The following MAP3K5 variants were observed in gnomAD, a reference collection of about 807,000 sequenced individuals.
The protein encoded by MAP3K5 is mitogen-activated protein kinase kinase kinase 5, also known as ASK-1.
MAP3K5 carries 56 observed loss-of-function variants against 158.7 expected under a neutral mutation model. That is an observed-to-expected ratio of 0.35 (90% CI 0.28 to 0.44). MAP3K5 has a LOEUF of 0.44. Ranked by LOEUF, MAP3K5 falls within the 20% of genes least tolerant of loss-of-function variation. The pLI is 1.00. For synonymous variants in MAP3K5, 579 were observed against 601.7 expected (o/e 0.96, Z 0.55); for missense variants, 1,294 against 1,674.8 (o/e 0.77, Z 3.97).
intron 1 of MAP3K5, among the ~76,000 whole-genome samples, chr6:136,788,925 G>T (rs553985666): frequency 2.6e-5 from 4 of 152,174 alleles, no homozygotes; most frequent in Non-Finnish European, 5.9e-5. Flanking sequence ...AAAATAAATT[G>T]TTCTACCAAA....
chr6:136,610,762 A>C (rs1441857637), intron 18 of MAP3K5, among the ~76,000 whole-genome samples: 1 of 152,028 alleles, frequency 6.6e-6, no homozygotes. Context: ...AAATACAGGA[A>C]GAGAAAAGGG....
At chr6:136,663,366 A>G (rs1223194991) in intron 8 of MAP3K5, among the ~76,000 whole-genome samples, 2 of 152,190 alleles carry the variant, frequency 1.3e-5, no homozygotes, top group African/African-American at 4.8e-5. Flanking sequence ...TTTCAAATTA[A>G]ATTACAGACA....
At chr6:136,749,203 T>C (rs1244701501) in intron 1 of MAP3K5, among the ~76,000 whole-genome samples, 2 of 151,924 alleles carry the variant, frequency 1.3e-5, no homozygotes, top group African/African-American at 2.4e-5. Flanking sequence ...TGAAACCCCA[T>C]CTCTACTAAA....
At chr6:136,665,133 T>C (rs901732355) in intron 8 of MAP3K5, among the ~76,000 whole-genome samples, 3 of 152,212 alleles carry the variant, frequency 2.0e-5, no homozygotes, top group Non-Finnish European at 4.4e-5. Context: ...TTTGGTATCA[T>C]GTAAAAGGGG....
At chr6:136,623,099 A>T in intron 14 of MAP3K5, 118 bp from the exon 15 acceptor site, 1 of 845,856 alleles carries the variant, frequency 1.2e-6, no homozygotes, top group Non-Finnish European at 1.9e-6. Context: ...TAACAGGCTG[A>T]AGTTCTAAGA....
At chr6:136,708,253 ATTAT>A (rs1425332515) in intron 2 of MAP3K5, among the ~76,000 whole-genome samples, 1 of 150,700 alleles carries the variant, frequency 6.6e-6, no homozygotes, top group Non-Finnish European at 1.5e-5. Flanking sequence ...CTTAGTATTA[ATTAT>A]TTTTTTTTAA....
intron 14 of MAP3K5, chr6:136,630,186 T>C (rs1433263007): frequency 1.3e-5 from 2 of 152,226 alleles, no homozygotes. Context: ...ATACTATAGA[T>C]GGTATTTTAC....
intron 9 of MAP3K5, among the ~76,000 whole-genome samples, chr6:136,657,747 C>T (rs1307619366): frequency 1.1e-4 from 16 of 152,176 alleles, no homozygotes; most frequent in Admixed American, 9.2e-4. Flanking sequence ...GCTTTGTGAG[C>T]TGGTGTGATG....
At chr6:136,674,054 T>C (rs1237031569) in intron 7 of MAP3K5, among the ~76,000 whole-genome samples, 7 of 151,960 alleles carry the variant, frequency 4.6e-5, no homozygotes, top group African/African-American at 1.7e-4. Flanking sequence ...AGCAATAAAA[T>C]TGACAGTAGA....
At chr6:136,679,867 C>T (rs1239850817) in intron 7 of MAP3K5, among the ~76,000 whole-genome samples, 1 of 152,088 alleles carries the variant, frequency 6.6e-6, no homozygotes, top group African/African-American at 2.4e-5. Flanking sequence ...AAAGTAGCAT[C>T]ATTTACAATA....
At chr6:136,659,700 T>C (rs1156850367) in intron 8 of MAP3K5, among the ~76,000 whole-genome samples, 9 of 152,024 alleles carry the variant, frequency 5.9e-5, no homozygotes, top group Admixed American at 5.9e-4. Context: ...AGAATAGAGG[T>C]TACTAGGGAC....
chr6:136,774,863 A>C (rs1784346830), intron 1 of MAP3K5, among the ~76,000 whole-genome samples: 1 of 152,138 alleles, frequency 6.6e-6, no homozygotes, highest in African/African-American at 2.4e-5. Flanking sequence ...AAAACCAGAA[A>C]CTGCTCCTTG....
At position 136,557,530 on chromosome 6, in the gene MAP3K5, A is replaced by G. The variant is rs1035481136; in HGVS notation, c.*228T>C. 6 of 429,278 alleles carry G rather than the reference A, an allele frequency of 1.4e-5. No homozygotes were observed. Among genetic ancestry groups the G allele is most frequent in the Non-Finnish European group, 2.1e-5 (5 of 240,440 alleles). The allele number at this position is 429,278 out of a possible 1,614,324, so 26.6% of individuals were successfully genotyped here. A position where few individuals can be genotyped will look rare whatever the true frequency, so the allele number is the denominator to read the frequency against. Reference sequence around the variant, plus strand: ...CCTGAACATTAGGGTTCTAATGTTCAGGATTATTTTAAGAGTCCTTATGAA... The same window carrying G: ...CCTGAACATTAGGGTTCTAATGTTCGGGATTATTTTAAGAGTCCTTATGAA... On this transcript the variant is annotated 3_prime_UTR_variant, in exon 30 of 30. Coordinates refer to ENST00000359015, the MANE Select transcript of MAP3K5 (RefSeq NM_005923.4).
chr6:136,558,184 C>T (rs1830337565), intron 29 of MAP3K5, among the ~76,000 whole-genome samples: 1 of 152,156 alleles, frequency 6.6e-6, no homozygotes, highest in South Asian at 2.1e-4. Context: ...CGAGACCATC[C>T]TGGCTAACAC....
chr6:136,779,693 C>T (rs189779822), intron 1 of MAP3K5, among the ~76,000 whole-genome samples: 120 of 152,234 alleles, frequency 7.9e-4, no homozygotes, highest in Non-Finnish European at 1.6e-3. Flanking sequence ...ACTGAGGGTC[C>T]CATAGTAGCA....
At chr6:136,621,857 C>A (rs916331347) in intron 15 of MAP3K5, among the ~76,000 whole-genome samples, 1 of 152,114 alleles carries the variant, frequency 6.6e-6, no homozygotes, top group Non-Finnish European at 1.5e-5. Context: ...GAGGCCGAGG[C>A]GGGCGGATCA....
Position 136,637,327 on chromosome 6 carries a change from C to G in MAP3K5, c.2014G>C (p.Glu672Gln). The G allele has an allele frequency of 6.2e-7, 1 of 1,605,908 alleles. No homozygotes were observed. Among genetic ancestry groups the G allele is most frequent in the Non-Finnish European group, 8.5e-7 (1 of 1,172,498 alleles). The change falls in exon 14 of 30, where the codon GAG (glutamate) becomes CAG (glutamine). Residue 672 changes from glutamate (E) to glutamine (Q), a missense_variant and splice_region_variant. Coordinates refer to ENST00000359015, the MANE Select transcript of MAP3K5 (RefSeq NM_005923.4). The stretch of plus-strand genomic sequence containing the variant: ...TAAATGGACACCTAAGTCATTACCT[C>G]CAGCAAGTCACTTTCACAGTCTCCT... ...EEGDCESDLL[E>Q]YDYEYDENGD...
At chr6:136,787,569 G>C (rs1784902276) in intron 1 of MAP3K5, among the ~76,000 whole-genome samples, 1 of 152,160 alleles carries the variant, frequency 6.6e-6, no homozygotes, top group African/African-American at 2.4e-5. Flanking sequence ...AGGACCCAAA[G>C]CCAAACCTTG....
intron 7 of MAP3K5, among the ~76,000 whole-genome samples, chr6:136,692,937 C>T (rs899533263): frequency 3.3e-5 from 5 of 151,838 alleles, no homozygotes; most frequent in East Asian, 1.9e-4. Flanking sequence ...GCCTGAGTGA[C>T]GGAGCAAGAC....
Sources: gnomAD v4.1 joint callset for allele counts (sites outside exome capture counted in the v4.1 genomes callset) on GRCh38, gnomAD v4.1.1 for gene constraint, MANE v1.5 for transcripts, NCBI Gene and HGNC (gene_info 2026-07-23, HGNC 2026-07-21) for gene names.